Variants in CALN1 observed in about 807,000 individuals in gnomAD.
The protein encoded by CALN1 is calcium-binding protein 8.
In CALN1, 17 loss-of-function variants were observed where a neutral mutation model predicts 30.6. The ratio of observed to expected loss-of-function variants is 0.56; its 90% confidence interval spans 0.38 to 0.83. The LOEUF (loss-of-function observed/expected upper bound fraction) is 0.83. CALN1 is among the 40% of genes least tolerant of loss of function. The probability of loss-of-function intolerance (pLI) is 0.00; values close to 1 mark genes in which losing one functional copy is unlikely to be tolerated. For missense variants in CALN1, 291 were observed against 354.9 expected (o/e 0.82, Z 1.45); for synonymous variants, 156 against 131.4 (o/e 1.19, Z -1.28).
At chr7:72,403,617 A>C (rs558669106) in intron 1 of CALN1, among the ~76,000 whole-genome samples, 175 bp from the exon 2 acceptor site, 253 of 152,360 alleles carry the variant, frequency 1.7e-3, no homozygotes, top group Non-Finnish European at 2.9e-3. Flanking sequence ...TTAGTTATTA[A>C]TAAGGCCTCA....
chr7:72,251,545 A>G (rs1795557633), intron 3 of CALN1, among the ~76,000 whole-genome samples: 1 of 151,998 alleles, frequency 6.6e-6, no homozygotes, highest in South Asian at 2.1e-4. Flanking sequence ...GACTATGGGT[A>G]CACATCACCA....
At chr7:71,990,231 A>C (rs1798876931) in intron 5 of CALN1, among the ~76,000 whole-genome samples, 1 of 152,188 alleles carries the variant, frequency 6.6e-6, no homozygotes, top group Admixed American at 6.5e-5. Context: ...ATAGATAAGC[A>C]TGCTAAACGA....
chr7:71,905,955 G>A lies in CALN1; in HGVS notation c.502-95463C>T, dbSNP rs563844959. Among the ~76,000 whole-genome samples the A allele has an allele frequency of 2.0e-5, 3 of 152,238 alleles. No individual in the cohort carries two copies. The South Asian group carries it at 6.2e-4, about 32-fold the overall frequency. ...GCACCTTCTTCACATGGTGGCAGGA[G>A]AGAGAAGAGGAAGCAAAAGAGGAAC... On this transcript the variant is annotated intron_variant, in intron 5 of 6. Coordinates refer to ENST00000395275, the MANE Select transcript of CALN1 (RefSeq NM_031468.4).
chr7:71,835,101 T>C (rs1789528649), intron 5 of CALN1, among the ~76,000 whole-genome samples: 1 of 152,292 alleles, frequency 6.6e-6, no homozygotes, highest in Admixed American at 6.5e-5. Context: ...GCTCTCCCAA[T>C]GTGCTGGGAT....
At chr7:72,260,122 C>G (rs527786817) in intron 3 of CALN1, among the ~76,000 whole-genome samples, 13 of 152,264 alleles carry the variant, frequency 8.5e-5, no homozygotes, top group African/African-American at 2.6e-4. Context: ...GTTCTAGAGG[C>G]CAGGAGTGTG....
intron 2 of CALN1, among the ~76,000 whole-genome samples, chr7:72,298,623 A>T (rs1243612525): frequency 6.6e-6 from 1 of 152,014 alleles, no homozygotes; most frequent in Non-Finnish European, 1.5e-5. Context: ...AGTCTAGTTG[A>T]AGCAAATTAA....
intron 3 of CALN1, among the ~76,000 whole-genome samples, chr7:72,167,288 A>G (rs1315771245): frequency 4.6e-5 from 7 of 152,192 alleles, no homozygotes; most frequent in African/African-American, 1.4e-4. Flanking sequence ...GTAATGAGAA[A>G]ACAATAGTAG....
intron 2 of CALN1, among the ~76,000 whole-genome samples, chr7:72,316,819 C>T (rs538080278): frequency 2.5e-4 from 38 of 151,760 alleles, no homozygotes; most frequent in African/African-American, 5.1e-4. Context: ...GTGTCACATG[C>T]GTGTAGTCCC....
chr7:72,108,208 T>C (rs1187508335), intron 3 of CALN1, among the ~76,000 whole-genome samples: 5 of 152,246 alleles, frequency 3.3e-5, no homozygotes. Context: ...TCTCCTCTTC[T>C]GTCTGTAATT....
intron 5 of CALN1, among the ~76,000 whole-genome samples, chr7:71,975,901 G>T (rs1798079032): frequency 6.8e-6 from 1 of 147,826 alleles, no homozygotes; most frequent in Non-Finnish European, 1.5e-5. Flanking sequence ...TGGTGCCAAA[G>T]TAATGGCAGC....
intron 6 of CALN1, among the ~76,000 whole-genome samples, chr7:71,798,371 G>A (rs891232777): frequency 1.3e-5 from 2 of 152,080 alleles, no homozygotes; most frequent in African/African-American, 4.8e-5. Context: ...GGGCAGAGCA[G>A]TGGTATGATC....
chr7:72,247,160 T>A (rs918376448), intron 3 of CALN1, among the ~76,000 whole-genome samples: 4 of 149,424 alleles, frequency 2.7e-5, no homozygotes, highest in African/African-American at 9.8e-5. Flanking sequence ...CGGAGAAAGC[T>A]ACAAGGTATT....
At chr7:72,301,329 C>T (rs368781163) in intron 2 of CALN1, among the ~76,000 whole-genome samples, 85 of 151,930 alleles carry the variant, frequency 5.6e-4, no homozygotes, top group African/African-American at 1.9e-3. Flanking sequence ...GCAAGCAGGC[C>T]GGGCTGGGTG....
intron 5 of CALN1, among the ~76,000 whole-genome samples, chr7:71,930,211 C>G (rs915237555): frequency 6.6e-6 from 1 of 152,188 alleles, no homozygotes; most frequent in Admixed American, 6.5e-5. Context: ...GCAGAACCCA[C>G]GGATACAGAG....
chr7:72,133,588 A>T (rs1232956923), intron 3 of CALN1, among the ~76,000 whole-genome samples: 1 of 152,214 alleles, frequency 6.6e-6, no homozygotes, highest in Non-Finnish European at 1.5e-5. Context: ...TAAAAGTTTG[A>T]CGATTATGGA....
At chr7:72,235,339 A>C (rs151103708) in intron 3 of CALN1, among the ~76,000 whole-genome samples, 2 of 152,284 alleles carry the variant, frequency 1.3e-5, no homozygotes, top group Non-Finnish European at 2.9e-5. Context: ...CAAGCAGATC[A>C]ATTAGAGTGT....
At chr7:72,466,396 G>C in the CALN1 span, among the ~76,000 whole-genome samples, 1 of 152,130 alleles carries the variant, frequency 6.6e-6, no homozygotes, top group Non-Finnish European at 1.5e-5. Context: ...CCACAGTCTA[G>C]TGTGTCAGGG....
At chr7:72,216,282 T>C (rs528204498) in intron 3 of CALN1, among the ~76,000 whole-genome samples, 2 of 151,868 alleles carry the variant, frequency 1.3e-5, no homozygotes, top group Non-Finnish European at 2.9e-5. Flanking sequence ...TTAACATAAC[T>C]GAGCGTGGTG....
chr7:72,460,344 G>C, the CALN1 span, among the ~76,000 whole-genome samples: 8 of 152,270 alleles, frequency 5.3e-5, no homozygotes, highest in African/African-American at 1.9e-4. Context: ...TGAAAATGAA[G>C]TCCTTGGCCG....
Sources: allele counts gnomAD v4.1 joint callset (sites outside exome capture counted in the v4.1 genomes callset), GRCh38; gene constraint gnomAD v4.1.1; transcripts MANE v1.5; gene names NCBI Gene and HGNC (gene_info 2026-07-23, HGNC 2026-07-21).